Variants in ITPA observed in about 807,000 individuals in gnomAD.
ITPA encodes inosine triphosphate pyrophosphatase.
ITPA carries 29 observed loss-of-function variants against 29.6 expected under a neutral mutation model. That is an observed-to-expected ratio of 0.98 (90% CI 0.73 to 1.34). ITPA has a LOEUF of 1.34. Among genes scored for constraint, ITPA ranks in the 40% most tolerant of loss-of-function variants. The probability of loss-of-function intolerance (pLI) is 0.00; values close to 1 mark genes in which losing one functional copy is unlikely to be tolerated. For synonymous variants in ITPA, 103 were observed against 99.3 expected (o/e 1.04, Z -0.22); for missense variants, 241 against 251.5 (o/e 0.96, Z 0.28).
upstream of ITPA, among the ~76,000 whole-genome samples, chr20:3,205,801 T>G (rs966297084): frequency 3.3e-5 from 5 of 152,158 alleles, no homozygotes; most frequent in African/African-American, 9.7e-5. Flanking sequence ...TCCCCTGTAA[T>G]CCTAGCACTT....
chr20:3,210,865 A>G (rs2067154420), intron 1 of ITPA, among the ~76,000 whole-genome samples: 1 of 152,076 alleles, frequency 6.6e-6, no homozygotes, highest in African/African-American at 2.4e-5. Flanking sequence ...AGCCTGGCCA[A>G]CATCATGAAA....
chr20:3,223,676 C>T lies in ITPA; in HGVS notation c.*214C>T, dbSNP rs1249733647. The T allele has an allele frequency of 3.3e-6, 2 of 599,108 alleles. No homozygotes were observed. Among genetic ancestry groups the T allele is most frequent in the African/African-American group, 1.8e-5 (1 of 54,212 alleles). 37.1% of individuals were successfully genotyped at this position (599,108 alleles called of 1,614,324 possible). ...GCCATTCTCTTGCCCTTAGGATTCA[C>T]TGCTCTCTCCTACAGCCGCCAGGCC... On this transcript the variant is annotated 3_prime_UTR_variant, in exon 8 of 8. Coordinates refer to ENST00000380113, the MANE Select transcript of ITPA (RefSeq NM_033453.4).
chr20:3,204,513 C>G (rs1254844247), upstream of ITPA: 2 of 1,545,212 alleles, frequency 1.3e-6, no homozygotes, highest in Non-Finnish European at 1.7e-6. Context: ...GTACCACCAA[C>G]CCTGGTGCAG....
At chr20:3,217,949 G>A (rs1182766178) in intron 5 of ITPA, among the ~76,000 whole-genome samples, 6 of 139,152 alleles carry the variant, frequency 4.3e-5, no homozygotes, top group African/African-American at 1.4e-4. Context: ...ATGGAGTCTC[G>A]CTCTGTCGCC....
chr20:3,216,157 GTTT>G (rs71331043), intron 5 of ITPA, among the ~76,000 whole-genome samples: 6 of 109,240 alleles, frequency 5.5e-5, no homozygotes, highest in Admixed American at 9.8e-5. Flanking sequence ...CGCTGGCTAA[GTTT>G]TTTTTTTTTT....
chr20:3,221,505 A>G (rs1306504599), intron 6 of ITPA, among the ~76,000 whole-genome samples: 6 of 149,328 alleles, frequency 4.0e-5, no homozygotes, highest in Non-Finnish European at 6.0e-5. Context: ...TTTTCTGTCT[A>G]TCTTTCTTTC....
chr20:3,211,587 G>A (rs574432716), intron 1 of ITPA, among the ~76,000 whole-genome samples: 1 of 152,266 alleles, frequency 6.6e-6, no homozygotes, highest in African/African-American at 2.4e-5. Context: ...CCGCCTCCTG[G>A]GTTCAAGCAA....
upstream of ITPA, chr20:3,204,596 G>A (rs1197012566): frequency 6.3e-7 from 1 of 1,589,372 alleles, no homozygotes; most frequent in East Asian, 2.3e-5. Context: ...TAGCAGAGCC[G>A]CCGCTACCAA....
upstream of ITPA, chr20:3,208,937 G>T (rs1356366530): frequency 6.3e-6 from 1 of 157,676 alleles, no homozygotes; most frequent in African/African-American, 2.4e-5. Flanking sequence ...GGCTGAAACG[G>T]TGGCCACGGA....
At chr20:3,207,720 A>G (rs376324901), upstream of ITPA, among the ~76,000 whole-genome samples, 1 of 98,978 alleles carries the variant, frequency 1.0e-5, no homozygotes, top group Admixed American at 1.0e-4. Context: ...ACAACAACAA[A>G]ACACAGTGGC....
At chr20:3,223,318 C>A in intron 7 of ITPA, 48 bp from the exon 8 acceptor site, 3 of 1,432,912 alleles carry the variant, frequency 2.1e-6, no homozygotes, top group Non-Finnish European at 2.9e-6. Context: ...AGGGGGTGCA[C>A]TTCCTTCCTG....
Position 3,209,538 on chromosome 20 carries a change from A to G in ITPA, c.-14A>G, listed in dbSNP as rs772521949. On this transcript the variant is annotated 5_prime_UTR_variant, in exon 1 of 8. Transcript: ENST00000380113. The surrounding 1 kb of genome is among the most constrained non-coding windows in gnomAD (Gnocchi z 4.6). ...GGAGTTTTCGGTGGCTCAGCTGGGT[A>G]ACCGGGGATCACCATGGCGGCCTCA... 6.2e-7 allele frequency: 1 copy of G among 1,613,566 alleles called. No individual in the cohort carries two copies. Among genetic ancestry groups the G allele is most frequent in the South Asian group, 1.1e-5 (1 of 91,058 alleles).
chr20:3,206,360 C>G (rs1266916409), upstream of ITPA, among the ~76,000 whole-genome samples: 1 of 141,892 alleles, frequency 7.0e-6, no homozygotes, highest in Admixed American at 7.3e-5. Context: ...TGCACTCCAG[C>G]CTGGGCAACA....
chr20:3,212,152 CAG>C (rs140847890), intron 1 of ITPA, among the ~76,000 whole-genome samples: 4 of 151,490 alleles, frequency 2.6e-5, no homozygotes, highest in Non-Finnish European at 4.4e-5. Flanking sequence ...GCCTGGGTGA[CAG>C]AGAGAGAGAC....
upstream of ITPA, among the ~76,000 whole-genome samples, chr20:3,207,677 A>G (rs2067085227): frequency 6.8e-6 from 1 of 147,440 alleles, no homozygotes; most frequent in Non-Finnish European, 1.5e-5. Flanking sequence ...CTGGGCGACA[A>G]GAGCAAGACT....
intron 1 of ITPA, among the ~76,000 whole-genome samples, chr20:3,210,253 G>C (rs187362990): frequency 5.3e-4 from 80 of 152,302 alleles, no homozygotes; most frequent in African/African-American, 1.9e-3. Context: ...ACTCCTGTGG[G>C]AATATAGTGT....
intron 5 of ITPA, among the ~76,000 whole-genome samples, chr20:3,216,547 G>A (rs534613408): frequency 2.0e-5 from 3 of 149,270 alleles, no homozygotes; most frequent in African/African-American, 4.9e-5. Flanking sequence ...TCCGCCTCCC[G>A]GGTTCAAGTG....
At chr20:3,212,194 G>T (rs2067190395) in intron 1 of ITPA, among the ~76,000 whole-genome samples, 1 of 151,986 alleles carries the variant, frequency 6.6e-6, no homozygotes, top group Non-Finnish European at 1.5e-5. Flanking sequence ...AAATACATAG[G>T]ATTACAAAGG....
upstream of ITPA, among the ~76,000 whole-genome samples, chr20:3,208,483 C>T (rs1290358556): frequency 6.6e-6 from 1 of 152,230 alleles, no homozygotes; most frequent in Non-Finnish European, 1.5e-5. Context: ...TCAGGCGATT[C>T]TCCTGAATCC....
Sources: allele counts gnomAD v4.1 joint callset (sites outside exome capture counted in the v4.1 genomes callset), GRCh38; gene constraint gnomAD v4.1.1; non-coding constraint Gnocchi (gnomAD v3.1); transcripts MANE v1.5; gene names NCBI Gene and HGNC (gene_info 2026-07-23, HGNC 2026-07-21).